Variants in LONRF3 observed in about 807,000 individuals in gnomAD.
The protein encoded by LONRF3 is LON peptidase N-terminal domain and ring finger 3.
Under a neutral mutation model 51.7 loss-of-function variants are expected in LONRF3, and 19 were observed. The observed-to-expected ratio is 0.37, with a 90% CI of 0.26 to 0.54. The LOEUF is 0.54. LONRF3 is among the 20% of genes least tolerant of loss of function. The pLI is 0.86. For synonymous variants in LONRF3, 265 were observed against 257.8 expected (o/e 1.03, Z -0.27); for missense variants, 521 against 623.9 (o/e 0.84, Z 1.76).
At position 119,014,354 on chromosome X, in the gene LONRF3, C is replaced by T; in HGVS notation, c.2122C>T (p.Gln708Ter). The T allele has an allele frequency of 8.3e-7, 1 of 1,206,432 alleles. No individual in the cohort carries two copies. Among genetic ancestry groups the T allele is most frequent in the Non-Finnish European group, 1.1e-6 (1 of 893,113 alleles). The change falls in exon 10 of 11, where the codon CAG becomes TAG. Residue 708 changes from glutamine to a stop codon, truncating the protein, a stop_gained and splice_region_variant. Coordinates refer to ENST00000371628, the MANE Select transcript of LONRF3 (RefSeq NM_001031855.3). LOFTEE classifies it high-confidence loss of function. The part of the protein sequence containing the change: ...GPMPEKDADP[Q>*]MNPNGPAWCW... Reference sequence around the variant, plus strand: ...CATGCCGGAGAAAGACGCCGATCCTCAGGTATAGAAAAATGTCTATTTTTA... The same window carrying T: ...CATGCCGGAGAAAGACGCCGATCCTTAGGTATAGAAAAATGTCTATTTTTA...
intron 9 of LONRF3, 117 bp from the exon 10 acceptor site, chrX:119,014,090 G>C: frequency 2.6e-6 from 2 of 754,943 alleles, no homozygotes; most frequent in Non-Finnish European, 3.9e-6. Flanking sequence ...AAGCTGAATG[G>C]GTGAGCCTTC....
Position 119,013,090 on chromosome X carries a change from T to G in LONRF3, c.1863T>G (p.Ala621=), listed in dbSNP as rs1281491779. ...AGATCAGAAATGTTCAATTCTTTGC[T>G]GATGGCCGCTCAGTGGTTGACAGCA... The part of the protein sequence containing the change: ...ILEIRNVQFF[A]DGRSVVDSIG... The change falls in exon 9 of 11, where the codon GCT becomes GCG. Residue 621 remains alanine, a synonymous_variant. Transcript: ENST00000371628. 4 of 1,210,566 alleles carry G rather than the reference T, an allele frequency of 3.3e-6. No individual in the cohort carries two copies. The East Asian group carries it at 1.2e-4, about 36-fold the overall frequency.
At chrX:118,993,758 G>A (rs1479490378) in intron 5 of LONRF3, among the ~76,000 whole-genome samples, 1 of 111,710 alleles carries the variant, frequency 9.0e-6, no homozygotes, top group African/African-American at 3.3e-5. Context: ...GAAGGAAAGA[G>A]TCTTAAGAAC....
At chrX:118,993,430 G>A (rs1160933850) in intron 5 of LONRF3, among the ~76,000 whole-genome samples, 2 of 111,609 alleles carry the variant, frequency 1.8e-5, no homozygotes, top group South Asian at 3.8e-4. Flanking sequence ...AAGAAATTCA[G>A]AGCTTGAAGA....
At chrX:119,012,640 AT>A (rs1325087132) in intron 8 of LONRF3, among the ~76,000 whole-genome samples, 3 of 111,456 alleles carry the variant, frequency 2.7e-5, no homozygotes, top group African/African-American at 9.8e-5. Context: ...TTGCCCTTTT[AT>A]ATTAATAACA....
At chrX:118,984,322 G>A in intron 3 of LONRF3, among the ~76,000 whole-genome samples, 1 of 112,375 alleles carries the variant, frequency 8.9e-6, no homozygotes, top group Non-Finnish European at 1.9e-5. Flanking sequence ...CACAGCCTTA[G>A]CACTCACTGG....
Position 118,989,468 on chromosome X carries a change from A to C in LONRF3, c.1120A>C (p.Ser374Arg). Residue 374 changes from serine to arginine, a missense_variant, in exon 4 of 11, where the codon AGC becomes CGC. Ser to Arg is a moderately radical substitution (Grantham distance 110). Transcript: ENST00000371628. ...GGAAGCAGCAGCCAGGGGAGATGGC[A>C]GCAGTCTGATGGACCCAGCTAAAGT... ...QEEAAARGDG[S>R]SLMDPAKVKG... The C allele has an allele frequency of 8.3e-7, 1 of 1,211,173 alleles. No individual in the cohort carries two copies. The highest frequency in any genetic ancestry group is 2.3e-4 in the Middle Eastern group (1 of 4,333).
rs772949041 is a variant in LONRF3 at position 119,013,017 on chromosome X, C to T, written c.1812-22C>T. ...AGAACTCATCAAGGATCTAGTCTCT[C>T]GACTCCATTCTCAATAAACAGGTTT... On this transcript the variant is annotated intron_variant, in intron 8 of 10. Coordinates refer to ENST00000371628, the MANE Select transcript of LONRF3 (RefSeq NM_001031855.3). The T allele has an allele frequency of 1.7e-5, 21 of 1,206,844 alleles. No individual in the cohort carries two copies. In the Middle Eastern group the frequency reaches 9.2e-4, roughly 53 times the overall value.
chrX:118,990,952 A>C (rs1321412704), intron 5 of LONRF3, among the ~76,000 whole-genome samples: 1 of 111,029 alleles, frequency 9.0e-6, no homozygotes, highest in Admixed American at 9.5e-5. Flanking sequence ...CTGTCTCCCC[A>C]GTTCAAGCGA....
chrX:119,007,661 A>T (rs1924824357), intron 6 of LONRF3, among the ~76,000 whole-genome samples: 1 of 111,928 alleles, frequency 8.9e-6, no homozygotes, highest in Admixed American at 9.5e-5. Context: ...GTTGAGCTTT[A>T]CCATCACCCC....
chrX:118,981,783 G>T (rs895123881), intron 2 of LONRF3, among the ~76,000 whole-genome samples: 1 of 112,095 alleles, frequency 8.9e-6, no homozygotes, highest in Non-Finnish European at 1.9e-5. Flanking sequence ...CCTCTGCAGC[G>T]AGGCCATAGC....
At chrX:118,992,568 A>G (rs747954306) in intron 5 of LONRF3, among the ~76,000 whole-genome samples, 4 of 110,370 alleles carry the variant, frequency 3.6e-5, no homozygotes, top group East Asian at 2.9e-4. Context: ...CCCCCACCCA[A>G]TGGTCCTTCC....
At chrX:119,012,417 C>T (rs1260281545) in intron 8 of LONRF3, among the ~76,000 whole-genome samples, 1 of 110,772 alleles carries the variant, frequency 9.0e-6, no homozygotes, top group African/African-American at 3.3e-5. Context: ...GAGCACAGTT[C>T]CTGGCTTCCT....
intron 9 of LONRF3, 117 bp from the exon 10 acceptor site, chrX:119,014,090 G>T: frequency 1.3e-6 from 1 of 754,942 alleles, no homozygotes; most frequent in Non-Finnish European, 1.9e-6. Flanking sequence ...AAGCTGAATG[G>T]GTGAGCCTTC....
rs942923253 is a variant in LONRF3 at position 119,018,354 on chromosome X, A to G, written c.*664A>G. On this transcript the variant is annotated 3_prime_UTR_variant, in exon 11 of 11. Transcript: ENST00000371628. Reference sequence around the variant, plus strand: ...TTTTACTACAATGACACTAGTTCTTAGACCATTTCCGTATCTATCCAAATG... The same window carrying G: ...TTTTACTACAATGACACTAGTTCTTGGACCATTTCCGTATCTATCCAAATG... The G allele has an allele frequency of 8.9e-6, 1 of 111,833 alleles. No homozygotes were observed. Among genetic ancestry groups the G allele is most frequent in the Non-Finnish European group, 1.9e-5 (1 of 53,225 alleles). 9.2% of individuals were successfully genotyped at this position (111,833 alleles called of 1,213,427 possible).
chrX:118,980,941 G>A (rs1922503671), intron 2 of LONRF3, among the ~76,000 whole-genome samples: 1 of 111,939 alleles, frequency 8.9e-6, no homozygotes, highest in Admixed American at 9.5e-5. Context: ...AGTGAGAGGT[G>A]GGGGCAGTGA....
Position 119,006,202 on chromosome X carries a change from A to G in LONRF3, c.1497A>G (p.Ala499=). 2 of 1,194,651 alleles carry G rather than the reference A, an allele frequency of 1.7e-6. No homozygotes were observed. Among genetic ancestry groups the G allele is most frequent in the Non-Finnish European group, 1.1e-6 (1 of 882,420 alleles). ...TAGAAAGATGCCTAGATCACAACGC[A>G]AAGTGTCCATTGTGCAAAGACGGTC... ...KCLERCLDHN[A]KCPLCKDGLS... is the part of the protein sequence containing the mutation. Residue 499 remains alanine, a synonymous_variant, in exon 6 of 11, where the codon GCA becomes GCG. Transcript: ENST00000371628.
rs373138792 is a variant in LONRF3, at chrX:118,982,962, A to G, written c.1059+19A>G. 8.3e-7 allele frequency: 1 copy of G among 1,203,595 alleles called. No homozygotes were observed. The highest frequency in any genetic ancestry group is 1.1e-6 in the Non-Finnish European group (1 of 889,967). The stretch of plus-strand genomic sequence containing the variant: ...CCAAAGAGTGAGTTGAAATGACATC[A>G]GGTCCAGCTGCCTACTGGACCCTCC... On this transcript the variant is annotated intron_variant, in intron 3 of 10. Coordinates refer to ENST00000371628, the MANE Select transcript of LONRF3 (RefSeq NM_001031855.3).
intron 6 of LONRF3, among the ~76,000 whole-genome samples, chrX:119,008,837 T>G (rs1924906508): frequency 8.9e-6 from 1 of 112,048 alleles, no homozygotes; most frequent in Admixed American, 9.5e-5. Flanking sequence ...GATCTTGATT[T>G]CAGTGTTTCA....
Sources: allele counts gnomAD v4.1 joint callset (sites outside exome capture counted in the v4.1 genomes callset), GRCh38; gene constraint gnomAD v4.1.1; transcripts MANE v1.5; gene names NCBI Gene and HGNC (gene_info 2026-07-23, HGNC 2026-07-21).